TSPYL1: variants seen among roughly 807,000 people sequenced by gnomAD.
TSPYL1 encodes TSPY like 1.
Under a neutral mutation model 20.1 loss-of-function variants are expected in TSPYL1, and 16 were observed. That is an observed-to-expected ratio of 0.80 (90% CI 0.54 to 1.21). The LOEUF is 1.21. Ranked by LOEUF, TSPYL1 falls within the 50% of genes most tolerant of loss-of-function variation. The pLI is 0.00. For synonymous variants in TSPYL1, 259 were observed against 227.1 expected (o/e 1.14, Z -1.26); for missense variants, 560 against 569.3 (o/e 0.98, Z 0.17).
At position 116,276,085 on chromosome 6, in the gene TSPYL1, G is replaced by A. The variant is rs990802533; in HGVS notation, c.*2432C>T. ...ATTATGTTAATTTTCTAGAACAGAGGTCCCTCCAAAGTACACTAAGTGCAT... is the reference window on the plus strand; with the variant it reads ...ATTATGTTAATTTTCTAGAACAGAGATCCCTCCAAAGTACACTAAGTGCAT... On this transcript the variant is annotated 3_prime_UTR_variant, in exon 1 of 1. Transcript: ENST00000368608. Among the ~76,000 whole-genome samples the A allele has an allele frequency of 1.3e-5, 2 of 152,154 alleles. No homozygotes were observed. Among genetic ancestry groups the A allele is most frequent in the Non-Finnish European group, 2.9e-5 (2 of 68,022 alleles).
Position 116,279,634 on chromosome 6 carries a change from T to C in TSPYL1, c.197A>G (p.Glu66Gly). The C allele has an allele frequency of 6.2e-7, 1 of 1,604,602 alleles. No individual in the cohort carries two copies. Among genetic ancestry groups the C allele is most frequent in the Non-Finnish European group, 8.5e-7 (1 of 1,179,850 alleles). ...GGCATCCTGGGGTACGCCCCCCTCCTCTGAAGGCGGTGGAGGCGGGAGCGC... is the reference window on the plus strand; with the variant it reads ...GGCATCCTGGGGTACGCCCCCCTCCCCTGAAGGCGGTGGAGGCGGGAGCGC... ...TVALPPPPPSEEGGVPQDAAG... is the reference protein window; with the variant it reads ...TVALPPPPPSGEGGVPQDAAG... The change falls in exon 1 of 1, where the codon GAG (glutamate) becomes GGG (glycine). Residue 66 changes from glutamate (E) to glycine (G), a missense_variant. Glu to Gly is a moderately conservative substitution (Grantham distance 98). Transcript: ENST00000368608.
rs780171247 is a variant in TSPYL1 at position 116,279,428 on chromosome 6, A to G, written c.403T>C (p.Cys135Arg). The change falls in exon 1 of 1, where the codon TGT becomes CGT. Residue 135 changes from cysteine (C) to arginine (R), a missense_variant. Cys to Arg is a radical substitution (Grantham distance 180). Coordinates refer to ENST00000368608, the MANE Select transcript of TSPYL1 (RefSeq NM_003309.4). ...VQGGEKALEI[C>R]GAQRSASELT... ...TCAGACGCGGATCTCTGGGCGCCAC[A>G]GATTTCTAGGGCCTTCTCTCCACCC... 3 of 1,613,248 alleles carry G rather than the reference A, an allele frequency of 1.9e-6. No individual in the cohort carries two copies. Among genetic ancestry groups the G allele is most frequent in the Admixed American group, 1.7e-5 (1 of 59,998 alleles).
chr6:116,279,802 G>T lies in TSPYL1; in HGVS notation c.29C>A (p.Thr10Asn), dbSNP rs994688753. 1 of 1,612,880 alleles carries T rather than the reference G, an allele frequency of 6.2e-7. No individual in the cohort carries two copies. The highest frequency in any genetic ancestry group is 8.5e-7 in the Non-Finnish European group (1 of 1,180,044). Residue 10 changes from threonine to asparagine, a missense_variant, in exon 1 of 1, where the codon ACC becomes AAC. By Grantham distance (65) the Thr-to-Asn change is moderately conservative. Transcript: ENST00000368608. Reference protein sequence around the residue: MSGLDGVKRTTPLQTHSIII... With the variant: MSGLDGVKRNTPLQTHSIII... The stretch of plus-strand genomic sequence containing the variant: ...GATGCTGTGGGTTTGGAGGGGAGTG[G>T]TCCTCTTGACCCCATCCAGGCCGCT...
rs548815159 is a variant in TSPYL1, at chr6:116,277,904, G to A, written c.*613C>T. ...GCGACAGAGCAAGACTCCGTCCTCC[G>A]TCTCAAAAAAAAAAAAAAAAAAAAA... On this transcript the variant is annotated 3_prime_UTR_variant, in exon 1 of 1. Coordinates refer to ENST00000368608, the MANE Select transcript of TSPYL1 (RefSeq NM_003309.4). 1 of 94,218 alleles carries A rather than the reference G, an allele frequency of 1.1e-5. No individual in the cohort carries two copies. Among genetic ancestry groups the A allele is most frequent in the Non-Finnish European group, 1.8e-5 (1 of 54,126 alleles). 5.8% of individuals were successfully genotyped at this position (94,218 alleles called of 1,614,324 possible).
Position 116,279,769 on chromosome 6 carries a change from G to C in TSPYL1, c.62C>G (p.Ser21Cys). 1 of 1,612,662 alleles carries C rather than the reference G, an allele frequency of 6.2e-7. No homozygotes were observed. The highest frequency in any genetic ancestry group is 1.1e-5 in the South Asian group (1 of 91,090). ...TPLQTHSIIISDQVPSDQDAH... is the reference protein window; with the variant it reads ...TPLQTHSIIICDQVPSDQDAH... ...GTCCTGGTCGCTCGGGACTTGGTCA[G>C]AAATAATGATGCTGTGGGTTTGGAG... Residue 21 changes from serine (S) to cysteine (C), a missense_variant, in exon 1 of 1, where the codon TCT becomes TGT. By Grantham distance (112) the Ser-to-Cys change is moderately radical. Coordinates refer to ENST00000368608, the MANE Select transcript of TSPYL1 (RefSeq NM_003309.4).
At position 116,278,152 on chromosome 6, in the gene TSPYL1, C is replaced by G. The variant is rs1773255381; in HGVS notation, c.*365G>C. The G allele has an allele frequency of 3.2e-6, 1 of 310,740 alleles. No individual in the cohort carries two copies. 19.2% of individuals were successfully genotyped at this position (310,740 alleles called of 1,614,324 possible). A position where few individuals can be genotyped will look rare whatever the true frequency, so the allele number is the denominator to read the frequency against. ...AGAGCTGAGTAGGTGGAACAGGCTC[C>G]CAAAGCTAGAAATCCAAGTGACAGC... On this transcript the variant is annotated 3_prime_UTR_variant, in exon 1 of 1. Transcript: ENST00000368608.
chr6:116,275,022 C>G lies in TSPYL1; in HGVS notation c.*3495G>C, dbSNP rs1461354674. 6.6e-6 allele frequency among the ~76,000 whole-genome samples: 1 copy of G among 152,052 alleles called. No individual in the cohort carries two copies. Among genetic ancestry groups the G allele is most frequent in the Non-Finnish European group, 1.5e-5 (1 of 68,024 alleles). On this transcript the variant is annotated 3_prime_UTR_variant, in exon 1 of 1. Transcript: ENST00000368608. ...TTTTCAATATATTTTAACACAATGT[C>G]AAAAATATTTCAACATGCAATCAAT...
rs1451566889 is a variant in TSPYL1 at position 116,276,429 on chromosome 6, C to G, written c.*2088G>C. 1 of 152,206 alleles carries G rather than the reference C, an allele frequency of 6.6e-6. No individual in the cohort carries two copies. Among genetic ancestry groups the G allele is most frequent in the Admixed American group, 6.5e-5 (1 of 15,274 alleles). The allele number at this position is 152,206 out of a possible 1,614,324, so 9.4% of individuals were successfully genotyped here. ...AAAAAAGTGATTGAGTAAGCAGTTG[C>G]AACTGCTAACGTTTTAAGGCAAACT... On this transcript the variant is annotated 3_prime_UTR_variant, in exon 1 of 1. Transcript: ENST00000368608.
rs763319875 is a variant in TSPYL1, at chr6:116,279,080, G to A, written c.751C>T (p.Gln251Ter). The A allele has an allele frequency of 1.9e-6, 3 of 1,613,524 alleles. No homozygotes were observed. Among genetic ancestry groups the A allele is most frequent in the Non-Finnish European group, 2.5e-6 (3 of 1,179,516 alleles). Residue 251 changes from glutamine (Q) to a stop codon, truncating the protein, a stop_gained, in exon 1 of 1, where the codon CAA (glutamine) becomes TAA (stop). Coordinates refer to ENST00000368608, the MANE Select transcript of TSPYL1 (RefSeq NM_003309.4). LOFTEE classifies it high-confidence loss of function. ...CGCCCAAACTTGTGCTCCAGCTGTT[G>A]GAAGGCCCTGTCGGCCTGAGCATTC... Reference protein sequence around the residue: ...TVNAQADRAFQQLEHKFGRMR... With the variant: ...TVNAQADRAF
chr6:116,279,543 G>A lies in TSPYL1; in HGVS notation c.288C>T (p.Ala96=), dbSNP rs761618402. The A allele has an allele frequency of 6.2e-7, 1 of 1,604,774 alleles. No homozygotes were observed. Among genetic ancestry groups the A allele is most frequent in the Admixed American group, 1.7e-5 (1 of 60,022 alleles). ...CGGGAGGCTGGCCCTCTTCCTGCCC[G>A]GCTTTGATCGCCACATGACCGCGAC... ...VGGRGHVAIK[A]GQEEGQPPAE... Residue 96 remains alanine, a synonymous_variant, in exon 1 of 1, where the codon GCC becomes GCT. Coordinates refer to ENST00000368608, the MANE Select transcript of TSPYL1 (RefSeq NM_003309.4).
In TSPYL1 at chr6:116,279,738, G is replaced by T. The variant is rs764323823; in HGVS notation, c.93C>A (p.His31Gln). 6.8e-6 allele frequency: 11 copies of T among 1,611,934 alleles called. No individual in the cohort carries two copies. The South Asian group carries it at 1.2e-4, about 18-fold the overall frequency. ...SDQVPSDQDA[H>Q]QYLRLRDQSE... ...TTTGGTCGCGGAGCCTCAGGTACTG[G>T]TGTGCGTCCTGGTCGCTCGGGACTT... The change falls in exon 1 of 1, where the codon CAC becomes CAA. Residue 31 changes from histidine (H) to glutamine (Q), a missense_variant. Physicochemically the swap from His to Gln is conservative, Grantham distance 24 (BLOSUM62 0). Coordinates refer to ENST00000368608, the MANE Select transcript of TSPYL1 (RefSeq NM_003309.4).
In TSPYL1 at chr6:116,277,749, A is replaced by G. The variant is rs568845013; in HGVS notation, c.*768T>C. The G allele has an allele frequency of 5.1e-4, 77 of 152,210 alleles. 2 individuals are homozygous for G. The East Asian group carries it at 0.014, about 27-fold the overall frequency. The allele number at this position is 152,210 out of a possible 1,614,324, so 9.4% of individuals were successfully genotyped here. On this transcript the variant is annotated 3_prime_UTR_variant, in exon 1 of 1. Transcript: ENST00000368608. ...AAACCCCGTCTCTACTAAAAATATA[A>G]AAATTAGCCGGGCGTGGCGGCGCGC...
rs1339648951 is a variant in TSPYL1, at chr6:116,275,419, ATCTT to A, written c.*3094_*3097del. ...TGACATTTTCCCATTTGCTCATTAA[ATCTT>A]TCTGAGAACTAGGTTATTTTGTTCT... On this transcript the variant is annotated 3_prime_UTR_variant, in exon 1 of 1. Transcript: ENST00000368608. Among the ~76,000 whole-genome samples the A allele has an allele frequency of 1.3e-5, 2 of 152,244 alleles. No homozygotes were observed. The highest frequency in any genetic ancestry group is 4.8e-5 in the African/African-American group (2 of 41,464).
At position 116,279,415 on chromosome 6, in the gene TSPYL1, C is replaced by T. The variant is rs1371094545; in HGVS notation, c.416G>A (p.Arg139Lys). 6.2e-7 allele frequency: 1 copy of T among 1,613,432 alleles called. No homozygotes were observed. Among genetic ancestry groups the T allele is most frequent in the South Asian group, 1.1e-5 (1 of 91,088 alleles). The change falls in exon 1 of 1, where the codon AGA (arginine) becomes AAA (lysine). Residue 139 changes from arginine to lysine, a missense_variant. Transcript: ENST00000368608. The stretch of plus-strand genomic sequence containing the variant: ...CCCCGCCGTCAGCTCAGACGCGGAT[C>T]TCTGGGCGCCACAGATTTCTAGGGC... ...EKALEICGAQ[R>K]SASELTAGAE...
rs1407376477 is a variant in TSPYL1, at chr6:116,277,366, C to T, written c.*1151G>A. The T allele has an allele frequency of 6.5e-6, 1 of 152,698 alleles. No individual in the cohort carries two copies. The highest frequency in any genetic ancestry group is 1.5e-5 in the Non-Finnish European group (1 of 68,074). 9.5% of individuals were successfully genotyped at this position (152,698 alleles called of 1,614,324 possible). On this transcript the variant is annotated 3_prime_UTR_variant, in exon 1 of 1. Coordinates refer to ENST00000368608, the MANE Select transcript of TSPYL1 (RefSeq NM_003309.4). ...CTCCTTCCTCGAAAGCTCTTAACGA[C>T]AGCACAGTCTTCACTCTAGGCCCAA... is the stretch of plus-strand genomic sequence containing the variant.
Position 116,278,322 on chromosome 6 carries a change from T to C in TSPYL1, c.*195A>G. The C allele has an allele frequency of 1.5e-6, 1 of 646,232 alleles. No homozygotes were observed. The highest frequency in any genetic ancestry group is 2.7e-6 in the Non-Finnish European group (1 of 369,094). 40.0% of individuals were successfully genotyped at this position (646,232 alleles called of 1,614,324 possible). ...ATATTCCAGAACAGCATGAAGGTCA[T>C]ATGGAAGTGGAGAAGCATACCCACC... On this transcript the variant is annotated 3_prime_UTR_variant, in exon 1 of 1. Coordinates refer to ENST00000368608, the MANE Select transcript of TSPYL1 (RefSeq NM_003309.4).
Position 116,279,922 on chromosome 6 carries a change from A to G in TSPYL1, c.-92T>C. ...CCGCCGCTCGCACCGCCCACCCTAC[A>G]GTCTCACTAACATTTCAGCGGCGGT... On this transcript the variant is annotated 5_prime_UTR_variant, in exon 1 of 1. Transcript: ENST00000368608. 2 of 1,560,522 alleles carry G rather than the reference A, an allele frequency of 1.3e-6. No homozygotes were observed. Among genetic ancestry groups the G allele is most frequent in the South Asian group, 1.1e-5 (1 of 89,380 alleles).
In TSPYL1 at chr6:116,279,441, C is replaced by T; in HGVS notation, c.390G>A (p.Lys130=). ...SLKKGVQGGE[K]ALEICGAQRS... is the part of the protein sequence containing the mutation. ...TCTGGGCGCCACAGATTTCTAGGGC[C>T]TTCTCTCCACCCTGAACGCCCTTTT... Residue 130 remains lysine (K), a synonymous_variant, in exon 1 of 1, where the codon AAG becomes AAA. Transcript: ENST00000368608. 1.2e-6 allele frequency: 2 copies of T among 1,613,522 alleles called. No individual in the cohort carries two copies. The highest frequency in any genetic ancestry group is 8.5e-7 in the Non-Finnish European group (1 of 1,180,040).
Position 116,276,677 on chromosome 6 carries a change from A to G in TSPYL1, c.*1840T>C, listed in dbSNP as rs546520636. Reference sequence around the variant, plus strand: ...TCCATAATTTTTAATTAATATGAACAACTTCATTCAAGCATTACATTTATG... The same window carrying G: ...TCCATAATTTTTAATTAATATGAACGACTTCATTCAAGCATTACATTTATG... On this transcript the variant is annotated 3_prime_UTR_variant, in exon 1 of 1. Coordinates refer to ENST00000368608, the MANE Select transcript of TSPYL1 (RefSeq NM_003309.4). The G allele has an allele frequency of 5.9e-5, 9 of 152,312 alleles. No individual in the cohort carries two copies. The East Asian group carries it at 1.7e-3, about 29-fold the overall frequency. 9.4% of individuals were successfully genotyped at this position (152,312 alleles called of 1,614,324 possible).
Sources: gnomAD v4.1 joint callset for allele counts (sites outside exome capture counted in the v4.1 genomes callset) on GRCh38, gnomAD v4.1.1 for gene constraint, MANE v1.5 for transcripts, NCBI Gene and HGNC (gene_info 2026-07-23, HGNC 2026-07-21) for gene names.